PTPRM: variants seen among roughly 807,000 people sequenced by gnomAD.
The protein encoded by PTPRM is receptor-type tyrosine-protein phosphatase mu.
PTPRM carries 47 observed loss-of-function variants against 186.7 expected under a neutral mutation model. The ratio of observed to expected loss-of-function variants is 0.25; its 90% CI spans 0.20 to 0.32. PTPRM has a LOEUF of 0.32. Ranked by LOEUF, PTPRM falls within the 10% of genes least tolerant of loss-of-function variation. The probability of loss-of-function intolerance (pLI) is 1.00; values close to 1 mark genes in which losing one functional copy is unlikely to be tolerated. For missense variants in PTPRM, 1,494 were observed against 1,865.0 expected (o/e 0.80, Z 3.66); for synonymous variants, 668 against 674.9 (o/e 0.99, Z 0.16).
intron 14 of PTPRM, among the ~76,000 whole-genome samples, chr18:8,149,645 A>C (rs1356141939): frequency 6.6e-6 from 1 of 151,938 alleles, no homozygotes; most frequent in Admixed American, 6.6e-5. Context: ...TAGCCCATTT[A>C]CATGTAAGGT....
intron 2 of PTPRM, among the ~76,000 whole-genome samples, chr18:7,818,943 C>A (rs956676644): frequency 2.6e-5 from 4 of 152,162 alleles, no homozygotes; most frequent in African/African-American, 4.8e-5. Context: ...CTAGAAACCT[C>A]AGGTGTGAAA....
chr18:7,572,589 A>G (rs1293267694), intron 1 of PTPRM, among the ~76,000 whole-genome samples: 3 of 152,184 alleles, frequency 2.0e-5, no homozygotes, highest in Non-Finnish European at 4.4e-5. Flanking sequence ...TGTATTATCT[A>G]AATATCCCAA....
At chr18:8,054,041 A>G in intron 7 of PTPRM, among the ~76,000 whole-genome samples, 1 of 152,040 alleles carries the variant, frequency 6.6e-6, no homozygotes, top group Admixed American at 6.6e-5. Flanking sequence ...TTGTTTGCCA[A>G]GCCTGTCACA....
At position 8,050,497 on chromosome 18, in the gene PTPRM, A is replaced by T. The variant is rs537772279; in HGVS notation, c.1133-19189A>T. 1.4e-4 allele frequency among the ~76,000 whole-genome samples: 21 copies of T among 152,198 alleles called. No individual in the cohort carries two copies. In the South Asian group the frequency reaches 1.9e-3, roughly 14 times the overall value. On this transcript the variant is annotated intron_variant, in intron 7 of 32. Transcript: ENST00000580170. Reference sequence around the variant, plus strand: ...TAAGTGGTATTAGTTTCCTGAAAAAAAAAAACCCTCCATACACTCATACAC... The same window carrying T: ...TAAGTGGTATTAGTTTCCTGAAAAATAAAAACCCTCCATACACTCATACAC...
In PTPRM at chr18:7,656,573, T is replaced by G. The variant is rs533053937; in HGVS notation, c.73+88682T>G. On this transcript the variant is annotated intron_variant, in intron 1 of 32. Transcript: ENST00000580170. ...TATGTTATTTGTATTTTCCTATAAT[T>G]TAAAGAAGAAAAGATCAATGGTTGC... Among the ~76,000 whole-genome samples, 66 of 152,218 alleles carry G rather than the reference T, an allele frequency of 4.3e-4. No individual in the cohort carries two copies. The South Asian group carries it at 0.014, about 31-fold the overall frequency.
intron 1 of PTPRM, among the ~76,000 whole-genome samples, chr18:7,701,607 A>G (rs1052304861): frequency 4.6e-5 from 7 of 152,100 alleles, no homozygotes; most frequent in African/African-American, 1.7e-4. Flanking sequence ...CAAAAAATAT[A>G]TATATAATAA....
intron 5 of PTPRM, among the ~76,000 whole-genome samples, chr18:7,942,141 G>A (rs2052215580): frequency 6.6e-6 from 1 of 152,014 alleles, no homozygotes; most frequent in Non-Finnish European, 1.5e-5. Context: ...AAATTAGCTG[G>A]TTGTGGTGGC....
At chr18:7,736,960 G>A (rs939940591) in intron 1 of PTPRM, among the ~76,000 whole-genome samples, 5 of 151,876 alleles carry the variant, frequency 3.3e-5, no homozygotes, top group African/African-American at 9.7e-5. Flanking sequence ...TTGTGTCACC[G>A]TGCCCAGCTA....
In PTPRM at chr18:7,567,499, A is replaced by C; in HGVS notation, c.-320A>C. The C allele has an allele frequency of 3.9e-5, 9 of 229,210 alleles. No individual in the cohort carries two copies. The highest frequency in any genetic ancestry group is 9.2e-5 in the East Asian group (1 of 10,836). 14.2% of individuals were successfully genotyped at this position (229,210 alleles called of 1,614,324 possible). A position where few individuals can be genotyped will look rare whatever the true frequency, so the allele number is the denominator to read the frequency against. On this transcript the variant is annotated 5_prime_UTR_variant, in exon 1 of 33. Transcript: ENST00000580170. The surrounding 1 kb of genome is among the most constrained non-coding windows in gnomAD (Gnocchi z 4.3). ...CGGGTCCCGGGTCCCGGGCAGGGGAAGGGGAGAGGCGGCGAGCTCAGCAAC... is the reference window on the plus strand; with the variant it reads ...CGGGTCCCGGGTCCCGGGCAGGGGACGGGGAGAGGCGGCGAGCTCAGCAAC...
rs192623823 is a variant in PTPRM, at chr18:7,728,467, G to A, written c.74-45682G>A. Among the ~76,000 whole-genome samples the A allele has an allele frequency of 3.0e-4, 45 of 152,358 alleles. No homozygotes were observed. In the East Asian group the frequency reaches 6.8e-3, roughly 23 times the overall value. On this transcript the variant is annotated intron_variant, in intron 1 of 32. Transcript: ENST00000580170. ...GAGGCTACGCTCCTCCCTGCATAAG[G>A]CGCAAATTCCTGATGGCTCCGCCCA...
At chr18:8,135,833 T>C (rs574418264) in intron 13 of PTPRM, among the ~76,000 whole-genome samples, 1 of 152,284 alleles carries the variant, frequency 6.6e-6, no homozygotes, top group South Asian at 2.1e-4. Context: ...GCTCTACATT[T>C]TTTGAGCCTC....
At chr18:7,901,070 C>T (rs1021097606) in intron 3 of PTPRM, among the ~76,000 whole-genome samples, 3 of 152,104 alleles carry the variant, frequency 2.0e-5, no homozygotes, top group Admixed American at 6.6e-5. Flanking sequence ...CAATCTTTTT[C>T]GACCCGGATG....
intron 2 of PTPRM, among the ~76,000 whole-genome samples, chr18:7,847,915 A>G (rs2145905912): frequency 6.6e-6 from 1 of 152,340 alleles, no homozygotes. Context: ...CTAAGCACAC[A>G]GCCGGTATTT....
intron 1 of PTPRM, among the ~76,000 whole-genome samples, chr18:7,655,400 A>G (rs891251482): frequency 3.3e-5 from 5 of 152,142 alleles, no homozygotes; most frequent in African/African-American, 1.2e-4. Context: ...AACACTTACA[A>G]TGCCAAATGC....
intron 14 of PTPRM, among the ~76,000 whole-genome samples, chr18:8,157,124 C>T (rs750568331): frequency 5.3e-5 from 8 of 152,116 alleles, no homozygotes; most frequent in Non-Finnish European, 7.4e-5. Context: ...ACCTTGGTTC[C>T]GTGGCTTACT....
chr18:7,846,925 T>G (rs2046625243), intron 2 of PTPRM, among the ~76,000 whole-genome samples: 1 of 152,050 alleles, frequency 6.6e-6, no homozygotes, highest in African/African-American at 2.4e-5. Context: ...TGAGACTTCT[T>G]GGATGATCTA....
At chr18:7,584,803 T>C (rs1207392414) in intron 1 of PTPRM, among the ~76,000 whole-genome samples, 1 of 152,244 alleles carries the variant, frequency 6.6e-6, no homozygotes, top group Non-Finnish European at 1.5e-5. Context: ...AATATCCCCC[T>C]GCTGGACGAG....
chr18:8,357,365 A>C (rs1449624372), intron 23 of PTPRM, among the ~76,000 whole-genome samples: 3 of 152,224 alleles, frequency 2.0e-5, no homozygotes, highest in African/African-American at 4.8e-5. Context: ...GACTACAGTA[A>C]ACTAAGATTT....
intron 5 of PTPRM, among the ~76,000 whole-genome samples, chr18:7,942,691 T>C (rs1417337900): frequency 1.3e-5 from 2 of 152,028 alleles, no homozygotes; most frequent in African/African-American, 4.8e-5. Context: ...GATGTTGTGG[T>C]TTTCTCAGCT....
Sources: gnomAD v4.1 joint callset for allele counts (sites outside exome capture counted in the v4.1 genomes callset) on GRCh38, gnomAD v4.1.1 for gene constraint, Gnocchi (gnomAD v3.1) non-coding constraint, MANE v1.5 for transcripts, NCBI Gene and HGNC (gene_info 2026-07-23, HGNC 2026-07-21) for gene names.